The following NTRK3 variants were observed in gnomAD, a reference collection of about 807,000 sequenced individuals.
The protein encoded by NTRK3 is NT-3 growth factor receptor.
In NTRK3, 24 loss-of-function variants were observed where a neutral mutation model predicts 91.7. The observed-to-expected ratio is 0.26, with a 90% CI of 0.19 to 0.37. NTRK3 has a LOEUF of 0.37. NTRK3 is among the 10% of genes least tolerant of loss of function. The probability of loss-of-function intolerance (pLI) is 1.00; values close to 1 mark genes in which losing one functional copy is unlikely to be tolerated. For missense variants in NTRK3, 880 were observed against 1,068.9 expected, an observed-to-expected ratio of 0.82 and a Z score of 2.46; for synonymous variants, 483 against 404.0, an observed-to-expected ratio of 1.20 and a Z score of -2.34.
intron 3 of NTRK3, among the ~76,000 whole-genome samples, chr15:88,248,385 C>T (rs900590365): frequency 2.9e-4 from 44 of 152,320 alleles, no homozygotes; most frequent in African/African-American, 1.0e-3. Context: ...CCATAATTAT[C>T]CTATGTGCCT....
intron 13 of NTRK3, among the ~76,000 whole-genome samples, chr15:88,108,972 C>G (rs1186756068): frequency 6.6e-6 from 1 of 152,202 alleles, no homozygotes; most frequent in African/African-American, 2.4e-5. Flanking sequence ...GAAAGAATCC[C>G]TCCCTCTCTC....
chr15:87,933,668 C>T (rs1483357717), intron 15 of NTRK3, among the ~76,000 whole-genome samples: 3 of 152,234 alleles, frequency 2.0e-5, no homozygotes, highest in Non-Finnish European at 4.4e-5. Context: ...ATAAAATATC[C>T]TTGTCTTTTG....
At chr15:87,956,151 C>T (rs1284350170) in intron 14 of NTRK3, among the ~76,000 whole-genome samples, 1 of 152,152 alleles carries the variant, frequency 6.6e-6, no homozygotes, top group Admixed American at 6.5e-5. Flanking sequence ...GGAAAAATGA[C>T]TTGCAAGCAA....
At chr15:88,028,326 C>CCGG (rs2078220816) in intron 14 of NTRK3, among the ~76,000 whole-genome samples, 1 of 152,026 alleles carries the variant, frequency 6.6e-6, no homozygotes, top group Non-Finnish European at 1.5e-5. Context: ...AAGGCTGACA[C>CCGG]AAACCCTCAA....
At chr15:87,870,556 C>T (rs144081296) in exon 19 of NTRK3, 86 of 208,108 alleles carry the variant, frequency 4.1e-4, no homozygotes, top group African/African-American at 1.9e-3. Flanking sequence ...CCAAACACTA[C>T]CTGTTCCCCA....
intron 13 of NTRK3, among the ~76,000 whole-genome samples, chr15:88,060,135 A>T (rs935924973): frequency 2.0e-5 from 3 of 152,102 alleles, no homozygotes; most frequent in African/African-American, 4.8e-5. Context: ...CACGCCTGTA[A>T]TTTGGGTGGC....
chr15:88,150,860 C>T (rs1266426262), intron 5 of NTRK3, among the ~76,000 whole-genome samples: 1 of 152,170 alleles, frequency 6.6e-6, no homozygotes, highest in Non-Finnish European at 1.5e-5. Flanking sequence ...ATTCTCATAG[C>T]GCAGGGTAAA....
intron 13 of NTRK3, among the ~76,000 whole-genome samples, chr15:88,039,233 T>C (rs187162641): frequency 1.6e-4 from 24 of 151,984 alleles, no homozygotes; most frequent in African/African-American, 5.8e-4. Context: ...CATTCCAAAT[T>C]ACACAATTAC....
intron 3 of NTRK3, among the ~76,000 whole-genome samples, chr15:88,207,078 C>T (rs1272223520): frequency 6.6e-6 from 1 of 152,182 alleles, no homozygotes; most frequent in Non-Finnish European, 1.5e-5. Context: ...AGCTCCGCCC[C>T]GACATTGTGG....
intron 13 of NTRK3, among the ~76,000 whole-genome samples, chr15:88,093,414 T>TACAGTAG (rs561758870): frequency 2.0e-5 from 3 of 152,156 alleles, no homozygotes; most frequent in Non-Finnish European, 4.4e-5. Context: ...AAGGAACATT[T>TACAGTAG]ACAGTAGACC....
chr15:88,164,572 C>A (rs1056090783), intron 5 of NTRK3, among the ~76,000 whole-genome samples: 1 of 152,088 alleles, frequency 6.6e-6, no homozygotes, highest in African/African-American at 2.4e-5. Context: ...AAGATTACCC[C>A]CATTGTCCCT....
At chr15:87,914,721 C>A (rs527560788) in intron 17 of NTRK3, among the ~76,000 whole-genome samples, 2 of 152,006 alleles carry the variant, frequency 1.3e-5, no homozygotes, top group South Asian at 2.1e-4. Context: ...GGGGATTGAC[C>A]CACTGGGTAA....
intron 3 of NTRK3, among the ~76,000 whole-genome samples, chr15:88,209,358 A>G (rs373880164): frequency 1.3e-5 from 2 of 152,198 alleles, no homozygotes; most frequent in Admixed American, 1.3e-4. Context: ...TGCACAAAGA[A>G]CAAGGTTAAT....
chr15:88,042,432 G>C (rs1281524914), intron 13 of NTRK3, among the ~76,000 whole-genome samples: 1 of 152,062 alleles, frequency 6.6e-6, no homozygotes, highest in African/African-American at 2.4e-5. Flanking sequence ...TGCCTCCTCC[G>C]GCTTCCAGAC....
At position 88,237,188 on chromosome 15, in the gene NTRK3, G is replaced by T. The variant is rs1179281903; in HGVS notation, c.248+18718C>A. On this transcript the variant is annotated intron_variant, in intron 3 of 18. Coordinates refer to ENST00000394480, the Ensembl canonical transcript of NTRK3. The surrounding 1 kb of genome is among the most constrained non-coding windows in gnomAD (Gnocchi z 4.0). ...GATGGATAGAGGATGTGATAAAGAAGTAGAGTGCCATATTAATTGCAGAGT... is the reference window on the plus strand; with the variant it reads ...GATGGATAGAGGATGTGATAAAGAATTAGAGTGCCATATTAATTGCAGAGT... Among the ~76,000 whole-genome samples the T allele has an allele frequency of 1.3e-5, 2 of 152,196 alleles. No homozygotes were observed. Among genetic ancestry groups the T allele is most frequent in the African/African-American group, 4.8e-5 (2 of 41,442 alleles).
exon 19 of NTRK3, chr15:87,870,660 T>G (rs1432455921): frequency 9.2e-6 from 2 of 217,388 alleles, no homozygotes; most frequent in Non-Finnish European, 1.9e-5. Context: ...ATTTGAGCTC[T>G]CAATCTACCT....
chr15:87,862,171 T>G, exon 19 of NTRK3: 1 of 220,558 alleles, frequency 4.5e-6, no homozygotes, highest in Non-Finnish European at 9.1e-6. Context: ...CATGGCCTTT[T>G]TTGCAGGGCA....
chr15:88,029,662 TTC>T (rs1158091595), intron 14 of NTRK3, among the ~76,000 whole-genome samples: 2 of 152,234 alleles, frequency 1.3e-5, no homozygotes, highest in African/African-American at 4.8e-5. Context: ...AGCATTTTTA[TTC>T]TCTTAACCTT....
intron 14 of NTRK3, among the ~76,000 whole-genome samples, chr15:87,981,631 C>T (rs1180004630): frequency 6.6e-6 from 1 of 152,164 alleles, no homozygotes; most frequent in Admixed American, 6.5e-5. Context: ...CTCTGTCCTG[C>T]ACTTTTCCTA....
Sources: gnomAD v4.1 joint callset for allele counts (sites outside exome capture counted in the v4.1 genomes callset) on GRCh38, gnomAD v4.1.1 for gene constraint, Gnocchi (gnomAD v3.1) non-coding constraint, MANE v1.5 for transcripts, NCBI Gene and HGNC (gene_info 2026-07-23, HGNC 2026-07-21) for gene names.